JMJD1C: variants seen among roughly 807,000 people sequenced by gnomAD.
JMJD1C encodes jumonji domain containing 1C, also known as jumonji domain-containing protein 1C.
Under a neutral mutation model 245.3 loss-of-function variants are expected in JMJD1C, and 31 were observed. The ratio of observed to expected loss-of-function variants is 0.13; its 90% CI spans 0.09 to 0.17. The LOEUF (loss-of-function observed/expected upper bound fraction) is 0.17. Ranked by LOEUF, JMJD1C falls within the 10% of genes least tolerant of loss-of-function variation. JMJD1C has a pLI of 1.00. For missense variants in JMJD1C, 2,691 were observed against 3,000.2 expected (o/e 0.90, Z 2.41); for synonymous variants, 1,057 against 1,017.4 (o/e 1.04, Z -0.74).
rs541402720 is a variant in JMJD1C at position 63,285,035 on chromosome 10, G to A, written c.334-20271C>T. 1.4e-4 allele frequency among the ~76,000 whole-genome samples: 22 copies of A among 152,204 alleles called. 1 individual carries two copies. The South Asian group carries it at 2.3e-3, about 16-fold the overall frequency. On this transcript the variant is annotated intron_variant, in intron 2 of 25. Transcript: ENST00000399262. ...ACCAGGATATCCTGAGCAAACCCACGCAGACATGGAAATAAAGTGCAAACT... is the reference window on the plus strand; with the variant it reads ...ACCAGGATATCCTGAGCAAACCCACACAGACATGGAAATAAAGTGCAAACT...
In JMJD1C at chr10:63,217,187, A is replaced by G. The variant is rs1049269438; in HGVS notation, c.678+20T>C. On this transcript the variant is annotated intron_variant, in intron 5 of 25. Coordinates refer to ENST00000399262, the MANE Select transcript of JMJD1C (RefSeq NM_032776.3). Reference sequence around the variant, plus strand: ...TTGAACTTTTAAAATCTCTATAAAAATATTAGTGGAACTATTTACCTGATC... The same window carrying G: ...TTGAACTTTTAAAATCTCTATAAAAGTATTAGTGGAACTATTTACCTGATC... 1 of 1,593,650 alleles carries G rather than the reference A, an allele frequency of 6.3e-7. No individual in the cohort carries two copies. Among genetic ancestry groups the G allele is most frequent in the Non-Finnish European group, 8.5e-7 (1 of 1,172,410 alleles).
chr10:63,243,147 G>C (rs1242717516), intron 3 of JMJD1C, among the ~76,000 whole-genome samples: 1 of 121,772 alleles, frequency 8.2e-6, no homozygotes, highest in South Asian at 2.9e-4. Flanking sequence ...GGCTAGATAG[G>C]TATCTTTCAA....
chr10:63,195,177 A>T (rs1845303674), intron 13 of JMJD1C, among the ~76,000 whole-genome samples: 1 of 152,144 alleles, frequency 6.6e-6, no homozygotes, highest in Admixed American at 6.5e-5. Flanking sequence ...AACATGGTGA[A>T]ACCCCATTTT....
intron 1 of JMJD1C, 141 bp downstream of exon 1, chr10:63,465,354 A>G (rs745903828): frequency 3.4e-6 from 3 of 876,868 alleles, no homozygotes; most frequent in Non-Finnish European, 5.1e-6. Context: ...GGATGCGGGC[A>G]AACGCGCCAA....
At chr10:63,444,265 CTATT>C (rs541550958) in intron 1 of JMJD1C, among the ~76,000 whole-genome samples, 33 of 151,902 alleles carry the variant, frequency 2.2e-4, no homozygotes, top group African/African-American at 5.3e-4. Flanking sequence ...TAGGACATTT[CTATT>C]TATTTATTTA....
chr10:63,250,182 G>A (rs1210399759), intron 3 of JMJD1C, among the ~76,000 whole-genome samples: 2 of 151,866 alleles, frequency 1.3e-5, no homozygotes, highest in Non-Finnish European at 2.9e-5. Context: ...GCCATGCCTG[G>A]CTGATTTTAT....
At chr10:63,274,993 G>A (rs1291722220) in intron 2 of JMJD1C, among the ~76,000 whole-genome samples, 1 of 151,936 alleles carries the variant, frequency 6.6e-6, no homozygotes, top group African/African-American at 2.4e-5. Flanking sequence ...CCAGGGAGTA[G>A]GAGACCAGCC....
At chr10:63,248,890 G>T (rs1274202297) in intron 3 of JMJD1C, among the ~76,000 whole-genome samples, 1 of 152,174 alleles carries the variant, frequency 6.6e-6, no homozygotes, top group Non-Finnish European at 1.5e-5. Context: ...ATATTGTCCT[G>T]GCCATAAAAA....
chr10:63,318,690 T>C (rs1181843893), intron 2 of JMJD1C, among the ~76,000 whole-genome samples: 1 of 152,152 alleles, frequency 6.6e-6, no homozygotes, highest in Non-Finnish European at 1.5e-5. Context: ...AAAAAAAAGT[T>C]TCTTTGGCAT....
chr10:63,203,751 T>C, intron 10 of JMJD1C: 3 of 974,740 alleles, frequency 3.1e-6, no homozygotes, highest in Non-Finnish European at 3.7e-6. Context: ...CTAGCTTTAA[T>C]GTACTAAGAA....
At chr10:63,305,489 TCTCTCTGGAGGCAAGGTCTGACC>T (rs1938012742) in intron 2 of JMJD1C, among the ~76,000 whole-genome samples, 11 of 145,064 alleles carry the variant, frequency 7.6e-5, no homozygotes, top group African/African-American at 2.0e-4. Flanking sequence ...TCTCTCTCTC[TCTCTCTGGAGGCAAGGTCTGACC>T]CTCTCTCTCT....
At chr10:63,266,795 G>C (rs1855626537) in intron 2 of JMJD1C, among the ~76,000 whole-genome samples, 1 of 152,160 alleles carries the variant, frequency 6.6e-6, no homozygotes, top group Non-Finnish European at 1.5e-5. Context: ...TCCTTCTGGA[G>C]TGCCTCTTTC....
chr10:63,400,722 C>G (rs945993005), intron 1 of JMJD1C, among the ~76,000 whole-genome samples: 1 of 152,088 alleles, frequency 6.6e-6, no homozygotes, highest in Non-Finnish European at 1.5e-5. Context: ...CCACCACACC[C>G]GGCTGATTTT....
chr10:63,390,535 C>T (rs140616177), intron 1 of JMJD1C, among the ~76,000 whole-genome samples: 2,171 of 151,628 alleles, frequency 0.014, 34 homozygotes, highest in Non-Finnish European at 0.02. Context: ...AAGAGGCCAG[C>T]ATTATATTAC....
Position 63,200,688 on chromosome 10 carries a change from A to G in JMJD1C, c.5075-11T>C, listed in dbSNP as rs1346739604. 1 of 1,612,624 alleles carries G rather than the reference A, an allele frequency of 6.2e-7. No individual in the cohort carries two copies. Among genetic ancestry groups the G allele is most frequent in the Non-Finnish European group, 8.5e-7 (1 of 1,178,894 alleles). On this transcript the variant is annotated splice_polypyrimidine_tract_variant and intron_variant, in intron 10 of 25. Coordinates refer to ENST00000399262, the MANE Select transcript of JMJD1C (RefSeq NM_032776.3). ...AACGAGGAATGCCAGCTGTAAAATC[A>G]GTAGGAAAGTTTTAGCAAGATTATG...
chr10:63,272,496 C>G (rs1856424142), intron 2 of JMJD1C, among the ~76,000 whole-genome samples: 1 of 152,190 alleles, frequency 6.6e-6, no homozygotes, highest in Admixed American at 6.5e-5. Context: ...GGTGATCCAC[C>G]CGCCTCGGCC....
chr10:63,225,620 A>T (rs1849172250), intron 3 of JMJD1C, among the ~76,000 whole-genome samples: 1 of 152,066 alleles, frequency 6.6e-6, no homozygotes, highest in Non-Finnish European at 1.5e-5. Context: ...TCTACTAAAA[A>T]TACAAAAATT....
chr10:63,469,511 A>G (rs1953422223), upstream of JMJD1C, among the ~76,000 whole-genome samples: 1 of 152,138 alleles, frequency 6.6e-6, no homozygotes, highest in African/African-American at 2.4e-5. Context: ...TTTACTCATA[A>G]TTGCTGTGTT....
intron 2 of JMJD1C, among the ~76,000 whole-genome samples, chr10:63,335,982 G>A (rs1475211210): frequency 2.0e-5 from 3 of 151,812 alleles, no homozygotes; most frequent in South Asian, 2.1e-4. Flanking sequence ...TTAGCCAGGC[G>A]AGGTAGCTTG....
Sources: gnomAD v4.1 joint callset for allele counts (sites outside exome capture counted in the v4.1 genomes callset) on GRCh38, gnomAD v4.1.1 for gene constraint, MANE v1.5 for transcripts, NCBI Gene and HGNC (gene_info 2026-07-23, HGNC 2026-07-21) for gene names.